PI4KA: variants seen among roughly 807,000 people sequenced by gnomAD.
PI4KA encodes PI4-kinase alpha.
PI4KA carries 122 observed loss-of-function variants against 271.4 expected under a neutral mutation model. The ratio of observed to expected loss-of-function variants is 0.45; its 90% CI spans 0.39 to 0.52. PI4KA has a LOEUF of 0.52. Ranked by LOEUF, PI4KA falls within the 20% of genes least tolerant of loss-of-function variation. The probability of loss-of-function intolerance (pLI) is 0.00; values close to 1 mark genes in which losing one functional copy is unlikely to be tolerated. For missense variants in PI4KA, 1,969 were observed against 2,769.1 expected (o/e 0.71, Z 6.48); for synonymous variants, 1,041 against 1,078.8 (o/e 0.96, Z 0.69).
At chr22:20,737,059 A>C (rs1928819303) in intron 32 of PI4KA, among the ~76,000 whole-genome samples, 2 of 152,170 alleles carry the variant, frequency 1.3e-5, no homozygotes, top group Non-Finnish European at 2.9e-5. Context: ...TGGGGCTGCT[A>C]ATCAGTTCAC....
chr22:20,727,510 G>T, intron 40 of PI4KA, 113 bp from the exon 41 acceptor site: 1 of 1,002,908 alleles, frequency 1.0e-6, no homozygotes, highest in Non-Finnish European at 1.4e-6. Flanking sequence ...CTAAGCATCG[G>T]TAACCATGGG....
intron 3 of PI4KA, among the ~76,000 whole-genome samples, chr22:20,830,808 G>C (rs976120408): frequency 5.9e-5 from 9 of 152,082 alleles, no homozygotes; most frequent in African/African-American, 1.9e-4. Context: ...TTTCATTCCT[G>C]TTGCCCAGGC....
chr22:20,833,477 G>C (rs773293590), intron 3 of PI4KA, among the ~76,000 whole-genome samples: 3 of 152,140 alleles, frequency 2.0e-5, no homozygotes, highest in Non-Finnish European at 2.9e-5. Context: ...ACGGCCGCTG[G>C]GGTCTGTGTG....
chr22:20,845,562 T>A (rs1361686191), intron 1 of PI4KA, among the ~76,000 whole-genome samples: 1 of 152,182 alleles, frequency 6.6e-6, no homozygotes, highest in Non-Finnish European at 1.5e-5. Context: ...AGACAAAAAA[T>A]ATTGAATATA....
rs1332658245 is a variant in PI4KA, at chr22:20,810,492, G to C, written c.1071+475C>G. 2.0e-5 allele frequency among the ~76,000 whole-genome samples: 3 copies of C among 151,004 alleles called. No homozygotes were observed. In the South Asian group the frequency reaches 6.3e-4, roughly 32 times the overall value. On this transcript the variant is annotated intron_variant, in intron 9 of 54. Transcript: ENST00000255882. ...CCACTGCACTCCAGCCTGGGCGACA[G>C]AGCGAGACTCCATCTCAAAAAAAAA...
At position 20,764,800 on chromosome 22, in the gene PI4KA, G is replaced by A; in HGVS notation, c.2708+17C>T. The A allele has an allele frequency of 6.2e-7, 1 of 1,600,964 alleles. No individual in the cohort carries two copies. The highest frequency in any genetic ancestry group is 1.1e-5 in the South Asian group (1 of 88,976). ...AAATGTGGATGTGCATGTGCATGGT[G>A]GTGAAGGCACGTGTACCTCATGTAC... On this transcript the variant is annotated intron_variant, in intron 22 of 54. Transcript: ENST00000255882.
Position 20,763,016 on chromosome 22 carries a change from T to TGG in PI4KA, c.2709-1631_2709-1630insCC, listed in dbSNP as rs764908841. Among the ~76,000 whole-genome samples, 103 of 14,146 alleles carry TGG rather than the reference T, an allele frequency of 7.3e-3. 2 individuals carry two copies. Among genetic ancestry groups the TGG allele is most frequent in the South Asian group, 0.018 (4 of 228 alleles). 9.3% of individuals were successfully genotyped at this position (14,146 alleles called of 152,430 possible). On this transcript the variant is annotated intron_variant, in intron 22 of 54. Transcript: ENST00000255882. The stretch of plus-strand genomic sequence containing the variant: ...TGGCTAGGTTTTTTTGCTTTTTTTT[T>TGG]TGGGGGGGGGGGGGGTTAGAGACAA...
In PI4KA at chr22:20,824,421, G is replaced by A; in HGVS notation, c.368-7C>T. 1 of 1,605,584 alleles carries A rather than the reference G, an allele frequency of 6.2e-7. No homozygotes were observed. The highest frequency in any genetic ancestry group is 2.2e-5 in the East Asian group (1 of 44,820). ...TCTGCAACCGGGAGGGCACCTGGAA[G>A]ATGTAAAAACATAAATCAGATAACC... On this transcript the variant is annotated splice_polypyrimidine_tract_variant and splice_region_variant and intron_variant, in intron 3 of 54. Coordinates refer to ENST00000255882, the MANE Select transcript of PI4KA (RefSeq NM_058004.4).
chr22:20,825,061 C>T lies in PI4KA; in HGVS notation c.368-647G>A, dbSNP rs569856956. 2.8e-4 allele frequency among the ~76,000 whole-genome samples: 9 copies of T among 31,988 alleles called. No individual in the cohort carries two copies. The East Asian group carries it at 3.2e-3, about 11-fold the overall frequency. 21.0% of individuals were successfully genotyped at this position (31,988 alleles called of 152,430 possible). Reference sequence around the variant, plus strand: ...CTCCAGCCTGGGTGACAGAATGAGACGCCATCTCAAAAAAAAAAAAAAAAA... The same window carrying T: ...CTCCAGCCTGGGTGACAGAATGAGATGCCATCTCAAAAAAAAAAAAAAAAA... On this transcript the variant is annotated intron_variant, in intron 3 of 54. Transcript: ENST00000255882.
chr22:20,774,311 C>G (rs938076102), intron 19 of PI4KA, among the ~76,000 whole-genome samples: 6 of 152,170 alleles, frequency 3.9e-5, no homozygotes, highest in African/African-American at 1.4e-4. Flanking sequence ...AAAATTGTGT[C>G]AGTTCCATTG....
chr22:20,857,497 C>T (rs1293210391), intron 1 of PI4KA, among the ~76,000 whole-genome samples: 1 of 152,214 alleles, frequency 6.6e-6, no homozygotes, highest in Non-Finnish European at 1.5e-5. Flanking sequence ...CTCCGGTCAC[C>T]ACTGTCTTAT....
intron 5 of PI4KA, 53 bp from the exon 6 acceptor site, chr22:20,819,953 A>G (rs1353200619): frequency 2.1e-6 from 3 of 1,460,328 alleles, no homozygotes; most frequent in Non-Finnish European, 2.9e-6. Context: ...TGATAGAGTC[A>G]TATAGTAAGT....
Position 20,751,329 on chromosome 22 carries a change from G to A in PI4KA, c.3117C>T (p.Tyr1039=), listed in dbSNP as rs751148302. ...QPYYDIPDAP[Y]RITVPDTYEA... is the part of the protein sequence containing the mutation. Reference sequence around the variant, plus strand: ...CGTACGTGTCAGGAACCGTGATCCGGTAGGGGGCGTCGGGGATGTCATAGT... The same window carrying A: ...CGTACGTGTCAGGAACCGTGATCCGATAGGGGGCGTCGGGGATGTCATAGT... The change falls in exon 27 of 55, where the codon TAC becomes TAT. Residue 1039 remains tyrosine, a synonymous_variant. Coordinates refer to ENST00000255882, the MANE Select transcript of PI4KA (RefSeq NM_058004.4). The A allele has an allele frequency of 6.2e-7, 1 of 1,614,086 alleles. No individual in the cohort carries two copies. The highest frequency in any genetic ancestry group is 8.5e-7 in the Non-Finnish European group (1 of 1,179,978).
At position 20,753,843 on chromosome 22, in the gene PI4KA, C is replaced by T. The variant is rs557168809; in HGVS notation, c.2792-663G>A. Among the ~76,000 whole-genome samples the T allele has an allele frequency of 4.6e-5, 7 of 152,202 alleles. No individual in the cohort carries two copies. The East Asian group carries it at 7.7e-4, about 17-fold the overall frequency. ...CTGAGACTACAGGTGCCCACCACCA[C>T]GCCCGGCTAATTTTTTGTATTTTTA... On this transcript the variant is annotated intron_variant, in intron 23 of 54. Transcript: ENST00000255882.
At chr22:20,785,224 C>G (rs1569030536) in intron 19 of PI4KA, among the ~76,000 whole-genome samples, 1 of 152,258 alleles carries the variant, frequency 6.6e-6, no homozygotes, top group East Asian at 1.9e-4. Flanking sequence ...CGTGCACCTT[C>G]ATGCCCAGCT....
chr22:20,815,379 C>CA (rs361826), intron 7 of PI4KA, among the ~76,000 whole-genome samples: 3,610 of 83,556 alleles, frequency 0.043, 173 homozygotes, highest in African/African-American at 0.074. Context: ...GACTGCGTCT[C>CA]AAAAAAAAAA....
intron 19 of PI4KA, chr22:20,783,941 T>G (rs768002837): frequency 1.2e-6 from 2 of 1,614,154 alleles, no homozygotes; most frequent in Non-Finnish European, 1.7e-6. Flanking sequence ...AGGAACCTTC[T>G]CATAACAGCC....
intron 32 of PI4KA, among the ~76,000 whole-genome samples, chr22:20,735,271 C>G (rs28374359): frequency 0.12 from 18,105 of 147,438 alleles, 424 homozygotes; most frequent in African/African-American, 0.26. Context: ...AGGAGACCAA[C>G]AAACAGCATT....
chr22:20,799,369 T>G (rs1935164175), intron 15 of PI4KA, 93 bp from the exon 16 acceptor site: 2 of 1,186,204 alleles, frequency 1.7e-6, no homozygotes, highest in Non-Finnish European at 2.3e-6. Flanking sequence ...GACCTTAATT[T>G]CATAACAGTC....
Sources: allele counts gnomAD v4.1 joint callset (sites outside exome capture counted in the v4.1 genomes callset), GRCh38; gene constraint gnomAD v4.1.1; transcripts MANE v1.5; gene names NCBI Gene and HGNC (gene_info 2026-07-23, HGNC 2026-07-21).